The following EPHA6 variants were observed in gnomAD, a reference collection of about 807,000 sequenced individuals.
EPHA6 encodes the protein EPH receptor A6.
Under a neutral mutation model 112.0 loss-of-function variants are expected in EPHA6, and 50 were observed. That is an observed-to-expected ratio of 0.45 (90% CI 0.36 to 0.56). The LOEUF (loss-of-function observed/expected upper bound fraction) is 0.56. Among genes scored for constraint, EPHA6 ranks in the 20% least tolerant of loss-of-function variants. The pLI is 0.00. For synonymous variants in EPHA6, 529 were observed against 490.7 expected (o/e 1.08, Z -1.03); for missense variants, 1,280 against 1,417.4 (o/e 0.90, Z 1.56).
intron 3 of EPHA6, among the ~76,000 whole-genome samples, chr3:97,082,831 ATATATTCAG>A (rs768086717): frequency 2.6e-5 from 4 of 151,964 alleles, no homozygotes; most frequent in Non-Finnish European, 2.9e-5. Context: ...ATACGATTAA[ATATATTCAG>A]TATTGACCAA....
At chr3:97,404,348 G>T (rs146742040) in intron 5 of EPHA6, among the ~76,000 whole-genome samples, 1 of 152,190 alleles carries the variant, frequency 6.6e-6, no homozygotes, top group Admixed American at 6.5e-5. Flanking sequence ...AATCTGTTAC[G>T]TGAGAAATGG....
intron 9 of EPHA6, among the ~76,000 whole-genome samples, chr3:97,482,011 G>A (rs2091567203): frequency 6.6e-6 from 1 of 152,198 alleles, no homozygotes; most frequent in Non-Finnish European, 1.5e-5. Flanking sequence ...GACAGCCAAG[G>A]AGGTAGAAGA....
At chr3:97,444,316 A>G (rs2090249792) in intron 6 of EPHA6, among the ~76,000 whole-genome samples, 1 of 152,166 alleles carries the variant, frequency 6.6e-6, no homozygotes, top group Admixed American at 6.6e-5. Context: ...CAGCTAAAAG[A>G]TGACCACTAT....
intron 3 of EPHA6, among the ~76,000 whole-genome samples, chr3:97,019,449 A>G (rs1015002368): frequency 1.3e-5 from 2 of 151,900 alleles, no homozygotes; most frequent in East Asian, 1.9e-4. Flanking sequence ...CTAGTAATCT[A>G]TCTCCTGTGA....
At chr3:97,548,967 T>C (rs1006853503) in intron 11 of EPHA6, among the ~76,000 whole-genome samples, 12 of 152,194 alleles carry the variant, frequency 7.9e-5, no homozygotes, top group Non-Finnish European at 1.6e-4. Flanking sequence ...GCCATCCTAA[T>C]ATAGTGCAAA....
chr3:97,264,975 C>G (rs1487287083), intron 5 of EPHA6, among the ~76,000 whole-genome samples: 1 of 152,206 alleles, frequency 6.6e-6, no homozygotes, highest in Non-Finnish European at 1.5e-5. Flanking sequence ...GTTGTCCCAA[C>G]GAGCGTTCAG....
chr3:97,047,931 A>T (rs958662612), intron 3 of EPHA6, among the ~76,000 whole-genome samples: 5 of 152,292 alleles, frequency 3.3e-5, no homozygotes, highest in Non-Finnish European at 5.9e-5. Context: ...AAGTTCCAGG[A>T]TTGTTCAATA....
intron 11 of EPHA6, among the ~76,000 whole-genome samples, chr3:97,592,397 C>G (rs1180584637): frequency 1.3e-5 from 2 of 152,072 alleles, no homozygotes; most frequent in African/African-American, 4.8e-5. Context: ...TGCTTCTAAC[C>G]CTCTTTAATT....
In EPHA6 at chr3:97,217,299, T is replaced by TA. The variant is rs983093708; in HGVS notation, c.1115-8957dup. Among the ~76,000 whole-genome samples the TA allele has an allele frequency of 3.3e-5, 5 of 151,646 alleles. No homozygotes were observed. The East Asian group carries it at 5.8e-4, about 18-fold the overall frequency. On this transcript the variant is annotated intron_variant, in intron 3 of 17. Transcript: ENST00000389672. ...TGAGTGCTCACTTAAATTTTACTAATAAAAAAAATTCAACAAAGAAGATAA... is the reference window on the plus strand; with the variant it reads ...TGAGTGCTCACTTAAATTTTACTAATAAAAAAAAATTCAACAAAGAAGATAA...
intron 13 of EPHA6, among the ~76,000 whole-genome samples, chr3:97,617,321 A>G (rs1271852073): frequency 1.3e-5 from 2 of 152,260 alleles, no homozygotes; most frequent in East Asian, 1.9e-4. Context: ...ACAACAAAAA[A>G]CACAATGAAG....
chr3:96,881,826 C>A (rs1052983024), intron 2 of EPHA6, among the ~76,000 whole-genome samples: 1 of 152,250 alleles, frequency 6.6e-6, no homozygotes, highest in East Asian at 1.9e-4. Context: ...GAGAAATTGG[C>A]CAAAACAAAG....
chr3:97,580,051 T>C (rs1321701575), intron 11 of EPHA6, among the ~76,000 whole-genome samples: 1 of 152,250 alleles, frequency 6.6e-6, no homozygotes, highest in Non-Finnish European at 1.5e-5. Flanking sequence ...ATTAAAACTT[T>C]AGACATTTAT....
At chr3:97,010,608 G>A (rs2044050327) in intron 3 of EPHA6, among the ~76,000 whole-genome samples, 1 of 151,910 alleles carries the variant, frequency 6.6e-6, no homozygotes, top group African/African-American at 2.4e-5. Flanking sequence ...CCCTCAAAAG[G>A]TAACCATCTT....
chr3:97,362,282 C>A (rs2084412622), intron 5 of EPHA6, among the ~76,000 whole-genome samples: 1 of 151,962 alleles, frequency 6.6e-6, no homozygotes, highest in African/African-American at 2.4e-5. Flanking sequence ...TTCAGTATTG[C>A]CAATCAGCTT....
chr3:97,502,025 T>C (rs1203045438), intron 10 of EPHA6, among the ~76,000 whole-genome samples: 1 of 151,882 alleles, frequency 6.6e-6, no homozygotes, highest in African/African-American at 2.4e-5. Context: ...TGATGGATCC[T>C]CACGACATTA....
In EPHA6 at chr3:97,698,480, T is replaced by A. The variant is rs187076940; in HGVS notation, c.2785-21781T>A. On this transcript the variant is annotated intron_variant, in intron 14 of 17. Transcript: ENST00000389672. ...CTTCCTTGTGGGAAGGAAGTTTACC[T>A]AAACTTGTCTTCTGTCTCTGAAGGC... Among the ~76,000 whole-genome samples the A allele has an allele frequency of 2.1e-3, 313 of 152,270 alleles. 2 individuals are homozygous for A. The highest frequency in any genetic ancestry group is 7.3e-3 in the African/African-American group (302 of 41,546).
intron 6 of EPHA6, chr3:97,447,773 G>GCAATT: frequency 9.9e-7 from 1 of 1,014,822 alleles, no homozygotes; most frequent in Non-Finnish European, 1.2e-6. Flanking sequence ...AGATAATTTG[G>GCAATT]CAATTCACGC....
intron 10 of EPHA6, among the ~76,000 whole-genome samples, chr3:97,521,881 G>A (rs2092548279): frequency 6.8e-6 from 1 of 147,330 alleles, no homozygotes; most frequent in Non-Finnish European, 1.5e-5. Flanking sequence ...CTGCAAAAGT[G>A]TAGGATAGTG....
rs138143549 is a variant in EPHA6, at chr3:97,094,249, G to A, written c.1114+106256G>A. ...ACTACATATCTGTTTTTGTTTTCAC[G>A]TGGAAATTATGAAATCCTAGAGCAA... is the stretch of plus-strand genomic sequence containing the variant. On this transcript the variant is annotated intron_variant, in intron 3 of 17. Coordinates refer to ENST00000389672, the MANE Select transcript of EPHA6 (RefSeq NM_001080448.3). 9.5e-4 allele frequency among the ~76,000 whole-genome samples: 145 copies of A among 152,044 alleles called. 1 individual carries two copies. Among genetic ancestry groups the A allele is most frequent in the Middle Eastern group, 3.4e-3 (1 of 294 alleles).
Sources: gnomAD v4.1 joint callset for allele counts (sites outside exome capture counted in the v4.1 genomes callset) on GRCh38, gnomAD v4.1.1 for gene constraint, MANE v1.5 for transcripts, NCBI Gene and HGNC (gene_info 2026-07-23, HGNC 2026-07-21) for gene names.